ITCH: variants seen among roughly 807,000 people sequenced by gnomAD.
The protein encoded by ITCH is itchy E3 ubiquitin protein ligase.
Under a neutral mutation model 126.8 loss-of-function variants are expected in ITCH, and 28 were observed. The ratio of observed to expected loss-of-function variants is 0.22; its 90% CI spans 0.16 to 0.30. The LOEUF is 0.30. Ranked by LOEUF, ITCH falls within the 10% of genes least tolerant of loss-of-function variation. The pLI is 1.00. For synonymous variants in ITCH, 342 were observed against 340.0 expected (o/e 1.01, Z -0.06); for missense variants, 631 against 1,032.4 (o/e 0.61, Z 5.33).
intron 2 of ITCH, among the ~76,000 whole-genome samples, chr20:34,391,625 T>G (rs2038493460): frequency 6.6e-6 from 1 of 152,196 alleles, no homozygotes; most frequent in African/African-American, 2.4e-5. Flanking sequence ...GTGATTTTTA[T>G]TCTTTTCAAG....
At chr20:34,456,656 A>ATG (rs1443960313) in intron 12 of ITCH, among the ~76,000 whole-genome samples, 6 of 143,414 alleles carry the variant, frequency 4.2e-5, no homozygotes, top group African/African-American at 7.6e-5. Flanking sequence ...ATATATATAT[A>ATG]TATGTGTGTG....
In ITCH at chr20:34,384,461, A is replaced by T. The variant is rs1454461894; in HGVS notation, c.-21-9330A>T. 6.4e-4 allele frequency among the ~76,000 whole-genome samples: 97 copies of T among 151,132 alleles called. 1 individual carries two copies. The highest frequency in any genetic ancestry group is 6.4e-3 in the Admixed American group (97 of 15,130). On this transcript the variant is annotated intron_variant, in intron 2 of 24. Transcript: ENST00000374864. The stretch of plus-strand genomic sequence containing the variant: ...ATGTCCAGCTCATTTTTGTATTTTT[A>T]GTAGAGACGGGGTTTGACCATCTTG...
chr20:34,508,115 G>A lies in ITCH; in HGVS notation c.*321G>A, dbSNP rs1388447552. 6.0e-6 allele frequency: 2 copies of A among 331,644 alleles called. No homozygotes were observed. Among genetic ancestry groups the A allele is most frequent in the African/African-American group, 4.3e-5 (2 of 46,794 alleles). 20.5% of individuals were successfully genotyped at this position (331,644 alleles called of 1,614,324 possible). On this transcript the variant is annotated 3_prime_UTR_variant, in exon 25 of 25. Transcript: ENST00000374864. Reference sequence around the variant, plus strand: ...GTCAAAAGTCTCACTTGGGAGTAGTGTTTTTTTCTTTTAGACATTCTGCAG... The same window carrying A: ...GTCAAAAGTCTCACTTGGGAGTAGTATTTTTTTCTTTTAGACATTCTGCAG...
At chr20:34,402,747 C>G (rs2038930877) in intron 3 of ITCH, 2 of 319,504 alleles carry the variant, frequency 6.3e-6, no homozygotes, top group Admixed American at 4.3e-5. Flanking sequence ...TCATGTTGAC[C>G]TCAGCTTCTC....
At chr20:34,418,846 C>G (rs1271322764) in intron 6 of ITCH, among the ~76,000 whole-genome samples, 1 of 149,118 alleles carries the variant, frequency 6.7e-6, no homozygotes, top group Non-Finnish European at 1.5e-5. Context: ...ACCGCAACCT[C>G]CATCTCCTGG....
intron 6 of ITCH, among the ~76,000 whole-genome samples, chr20:34,423,460 G>C (rs1981069338): frequency 6.6e-6 from 1 of 152,050 alleles, no homozygotes; most frequent in African/African-American, 2.4e-5. Flanking sequence ...ATTCTATCCA[G>C]GGCCTATTGT....
rs5841171 is a variant in ITCH, at chr20:34,375,696, A to ATTTTTTTTTTT, written c.-22+6251_-22+6261dup. ...CACTCACAATGTATTGGTAGTTAAA[A>ATTTTTTTTTTT]TTTTTTTTTTTTTTTTTTTTTTTTT... On this transcript the variant is annotated intron_variant, in intron 2 of 24. Transcript: ENST00000374864. 7.6e-5 allele frequency among the ~76,000 whole-genome samples: 5 copies of ATTTTTTTTTTT among 65,558 alleles called. 1 individual carries two copies. Among genetic ancestry groups the ATTTTTTTTTTT allele is most frequent in the African/African-American group, 2.9e-4 (4 of 13,686 alleles). The allele number at this position is 65,558 out of a possible 152,430, so 43.0% of individuals were successfully genotyped here.
At chr20:34,391,729 C>G (rs1274424435) in intron 2 of ITCH, among the ~76,000 whole-genome samples, 1 of 152,020 alleles carries the variant, frequency 6.6e-6, no homozygotes, top group Non-Finnish European at 1.5e-5. Context: ...GGCAGAGCAC[C>G]TCACAATTCT....
chr20:34,407,837 A>G (rs1978356057), intron 3 of ITCH, among the ~76,000 whole-genome samples: 1 of 152,200 alleles, frequency 6.6e-6, no homozygotes, highest in Admixed American at 6.5e-5. Flanking sequence ...TACTTTAATT[A>G]GAATATAATC....
intron 16 of ITCH, among the ~76,000 whole-genome samples, chr20:34,473,619 A>G (rs1003271371): frequency 1.3e-5 from 2 of 152,230 alleles, no homozygotes; most frequent in African/African-American, 4.8e-5. Context: ...ACAAAGTTAA[A>G]CCATTCTGCT....
intron 16 of ITCH, among the ~76,000 whole-genome samples, chr20:34,474,582 A>C (rs972871745): frequency 2.6e-5 from 4 of 152,224 alleles, no homozygotes; most frequent in Non-Finnish European, 4.4e-5. Context: ...CAGACACGGC[A>C]ACCATCCGAT....
chr20:34,504,268 T>C lies in ITCH; in HGVS notation c.2417-63T>C, dbSNP rs1990478284. ...CCTCATGATGCTGATGCTTGTTGGA[T>C]TGGGGAACACAGTTTGAGATCCACT... On this transcript the variant is annotated intron_variant, in intron 23 of 24. Transcript: ENST00000374864. 5 of 1,208,510 alleles carry C rather than the reference T, an allele frequency of 4.1e-6. No homozygotes were observed. In the Admixed American group the frequency reaches 8.4e-5, roughly 20 times the overall value. 74.9% of individuals were successfully genotyped at this position (1,208,510 alleles called of 1,614,324 possible).
rs1456711140 is a variant in ITCH, at chr20:34,462,225, A to G, written c.1424+4A>G. On this transcript the variant is annotated splice_donor_region_variant and intron_variant, in intron 14 of 24. Coordinates refer to ENST00000374864, the MANE Select transcript of ITCH (RefSeq NM_031483.7). ...CCCGCACAGGAAAATCTGCCCTGTA[A>G]GTTTTCTAAACATTGTAGATTAAGA... 6.2e-7 allele frequency: 1 copy of G among 1,613,420 alleles called. No homozygotes were observed. Among genetic ancestry groups the G allele is most frequent in the Non-Finnish European group, 8.5e-7 (1 of 1,179,466 alleles).
intron 11 of ITCH, among the ~76,000 whole-genome samples, chr20:34,446,422 CTCA>C (rs1257174807): frequency 6.6e-6 from 1 of 152,134 alleles, no homozygotes. Context: ...TTCCTTATAC[CTCA>C]TCATCATAAT....
intron 14 of ITCH, among the ~76,000 whole-genome samples, chr20:34,464,958 C>T (rs1020702761): frequency 6.6e-6 from 1 of 152,138 alleles, no homozygotes; most frequent in Non-Finnish European, 1.5e-5. Flanking sequence ...ATCCACACCC[C>T]CTCAGCCTCC....
chr20:34,447,643 A>G (rs1342510172), intron 11 of ITCH, among the ~76,000 whole-genome samples: 1 of 152,190 alleles, frequency 6.6e-6, no homozygotes, highest in East Asian at 1.9e-4. Flanking sequence ...TAAAATTGTC[A>G]GTACAGTATG....
chr20:34,501,160 G>A (rs762772700), intron 23 of ITCH, among the ~76,000 whole-genome samples: 2 of 152,204 alleles, frequency 1.3e-5, no homozygotes, highest in African/African-American at 2.4e-5. Context: ...GGTGGTGTAT[G>A]TAATTCTTTA....
intron 3 of ITCH, among the ~76,000 whole-genome samples, chr20:34,401,833 G>C (rs759732260): frequency 2.0e-5 from 3 of 152,054 alleles, no homozygotes; most frequent in Non-Finnish European, 4.4e-5. Flanking sequence ...CAATTAGTCT[G>C]TTACAGAGTC....
At chr20:34,503,520 T>A (rs1046587176) in intron 23 of ITCH, among the ~76,000 whole-genome samples, 6 of 152,368 alleles carry the variant, frequency 3.9e-5, no homozygotes, top group South Asian at 2.1e-4. Context: ...ATTAATAATA[T>A]GGAATTCACT....
Sources: gnomAD v4.1 joint callset for allele counts (sites outside exome capture counted in the v4.1 genomes callset) on GRCh38, gnomAD v4.1.1 for gene constraint, MANE v1.5 for transcripts, NCBI Gene and HGNC (gene_info 2026-07-23, HGNC 2026-07-21) for gene names.